Variants in CETP observed in about 807,000 individuals in gnomAD.
CETP encodes the protein BPI fold containing family F.
A neutral mutation model predicts 66.5 loss-of-function variants in CETP; 56 were observed. That is an observed-to-expected ratio of 0.84 (90% CI 0.68 to 1.05). CETP has a LOEUF of 1.05. Ranked by LOEUF, CETP falls within the 50% of genes least tolerant of loss-of-function variation. The pLI is 0.00. For synonymous variants in CETP, 251 were observed against 245.7 expected, an observed-to-expected ratio of 1.02 and a Z score of -0.20; for missense variants, 612 against 609.6, an observed-to-expected ratio of 1.00 and a Z score of -0.04.
rs552995717 is a variant in CETP at position 56,970,745 on chromosome 16, G to A, written c.528-288G>A. Among the ~76,000 whole-genome samples, 3 of 152,338 alleles carry A rather than the reference G, an allele frequency of 2.0e-5. No individual in the cohort carries two copies. In the South Asian group the frequency reaches 6.2e-4, roughly 32 times the overall value. ...ATTCAGGCCATTTTCTGACTCTGGA[G>A]CAGACGGATACATGTATGAATTTGG... On this transcript the variant is annotated intron_variant, in intron 5 of 15. Transcript: ENST00000200676.
intron 12 of CETP, 27 bp from the exon 13 acceptor site, chr16:56,981,620 C>A: frequency 6.2e-7 from 1 of 1,613,596 alleles, no homozygotes; most frequent in South Asian, 1.1e-5. Flanking sequence ...AATGGAGGGT[C>A]AAATTATCAT....
At position 56,963,017 on chromosome 16, in the gene CETP, C is replaced by T. The variant is rs776857859; in HGVS notation, c.126C>T (p.His42=). ...CACTGCCCTCCCCTCTAGTGAACCA[C>T]GAGACTGCCAAGGTGATCCAGACCG... ...ITKPALLVLN[H]ETAKVIQTAF... The change falls in exon 2 of 16, where the codon CAC becomes CAT. Residue 42 remains histidine (H), a synonymous_variant. Transcript: ENST00000200676. 1.2e-5 allele frequency: 19 copies of T among 1,614,094 alleles called. No homozygotes were observed. Among genetic ancestry groups the T allele is most frequent in the Middle Eastern group, 1.7e-4 (1 of 6,060 alleles).
Position 56,961,955 on chromosome 16 carries a change from A to G in CETP, c.-25A>G. ...GGCTCCAGGCTGAACGGCTCGGGCC[A>G]CTTACACACCACTGCCTGATAACCA... is the stretch of plus-strand genomic sequence containing the variant. On this transcript the variant is annotated 5_prime_UTR_variant, in exon 1 of 16. Transcript: ENST00000200676. 6.3e-7 allele frequency: 1 copy of G among 1,592,566 alleles called. No individual in the cohort carries two copies. The highest frequency in any genetic ancestry group is 8.6e-7 in the Non-Finnish European group (1 of 1,160,728).
intron 2 of CETP, among the ~76,000 whole-genome samples, chr16:56,964,813 A>G (rs1192796547): frequency 6.6e-6 from 1 of 152,200 alleles, no homozygotes; most frequent in African/African-American, 2.4e-5. Flanking sequence ...CCTCTGTGTG[A>G]CCTTGGGCTT....
chr16:56,971,344 C>T lies in CETP; in HGVS notation c.621C>T (p.Ile207=). The T allele has an allele frequency of 1.2e-6, 2 of 1,614,130 alleles. No individual in the cohort carries two copies. Among genetic ancestry groups the T allele is most frequent in the Non-Finnish European group, 1.7e-6 (2 of 1,180,050 alleles). The change falls in exon 7 of 16, where the codon ATC becomes ATT. Residue 207 remains isoleucine (I), a synonymous_variant. Transcript: ENST00000200676. Reference sequence around the variant, plus strand: ...AGATCTGCAAAGAGATCAACGTCATCTCTAACATCATGGCCGATTTTGTCC... The same window carrying T: ...AGATCTGCAAAGAGATCAACGTCATTTCTAACATCATGGCCGATTTTGTCC... The part of the protein sequence containing the change: ...KGQICKEINV[I]SNIMADFVQT...
chr16:56,971,598 T>C (rs1157915811), intron 7 of CETP, among the ~76,000 whole-genome samples: 1 of 152,170 alleles, frequency 6.6e-6, no homozygotes, highest in Non-Finnish European at 1.5e-5. Context: ...GGCAAGTCTA[T>C]AGAACTCAGG....
chr16:56,967,647 T>C (rs1255978447), intron 2 of CETP, among the ~76,000 whole-genome samples: 2 of 131,626 alleles, frequency 1.5e-5, no homozygotes, highest in Non-Finnish European at 3.2e-5. Context: ...AGAGCCAGAC[T>C]CAGTCTCAAA....
chr16:56,971,914 C>G, intron 7 of CETP, 78 bp from the exon 8 acceptor site: 14 of 1,235,148 alleles, frequency 1.1e-5, no homozygotes, highest in Non-Finnish European at 1.7e-5. Context: ...GGTTGGGTAG[C>G]TGTGTGGATG....
chr16:56,983,211 T>A (rs1220815228), intron 14 of CETP, 115 bp from the exon 15 acceptor site: 4 of 820,064 alleles, frequency 4.9e-6, no homozygotes, highest in Non-Finnish European at 8.5e-6. Flanking sequence ...AAACGCATGT[T>A]TACAGAATAT....
rs373625355 is a variant in CETP at position 56,979,245 on chromosome 16, G to C, written c.1146+990G>C. ...TCAGAACTTCTGTGAATTTGTAAAA[G>C]TAGTATAGTGTATAGACACTGGATA... On this transcript the variant is annotated intron_variant, in intron 11 of 15. Transcript: ENST00000200676. Among the ~76,000 whole-genome samples the C allele has an allele frequency of 7.8e-4, 119 of 152,324 alleles. 1 individual carries two copies. Among genetic ancestry groups the C allele is most frequent in the African/African-American group, 2.7e-3 (112 of 41,568 alleles).
intron 6 of CETP, 84 bp from the exon 7 acceptor site, chr16:56,971,237 C>A (rs2056107674): frequency 6.5e-7 from 1 of 1,539,644 alleles, no homozygotes; most frequent in Admixed American, 1.7e-5. Context: ...CGGTCCCCAG[C>A]ACTGCCACCA....
chr16:56,963,480 T>C (rs2056040823), intron 2 of CETP, among the ~76,000 whole-genome samples: 1 of 152,192 alleles, frequency 6.6e-6, no homozygotes, highest in Non-Finnish European at 1.5e-5. Flanking sequence ...AATGTTGTTT[T>C]CTTATAGTAC....
chr16:56,967,211 A>G (rs2056073778), intron 2 of CETP, among the ~76,000 whole-genome samples: 1 of 150,606 alleles, frequency 6.6e-6, no homozygotes, highest in East Asian at 2.0e-4. Context: ...GCTGGGCATG[A>G]TGGTGCATGC....
intron 11 of CETP, 139 bp from the exon 12 acceptor site, chr16:56,981,019 C>T (rs2056183191): frequency 1.3e-6 from 1 of 747,754 alleles, no homozygotes; most frequent in African/African-American, 1.7e-5. Flanking sequence ...TTCAGAAGAG[C>T]AGTAGCTAAG....
At chr16:56,962,421 G>A (rs764413485) in intron 1 of CETP, 2 of 605,132 alleles carry the variant, frequency 3.3e-6, no homozygotes, top group Non-Finnish European at 6.3e-6. Flanking sequence ...TGAGTCAGGG[G>A]GTAAAGATTA....
chr16:56,981,661 C>CGA lies in CETP; in HGVS notation c.1229_1230insGA (p.Val411MetfsTer5). On this transcript the variant is annotated frameshift_variant, in exon 13 of 16. Transcript: ENST00000200676. LOFTEE classifies it high-confidence loss of function. Reference sequence around the variant, plus strand: ...TTTTATTTCAGGATTACACCAAAGACTGTTTCCAACTTGACTGAGGTAGGT... The same window carrying CGA: ...TTTTATTTCAGGATTACACCAAAGACGATGTTTCCAACTTGACTGAGGTAGGT... 6.2e-6 allele frequency: 10 copies of CGA among 1,613,966 alleles called. No homozygotes were observed. The highest frequency in any genetic ancestry group is 8.5e-6 in the Non-Finnish European group (10 of 1,179,832).
chr16:56,982,036 G>A (rs2056191962), intron 13 of CETP, 129 bp from the exon 14 acceptor site: 16 of 888,088 alleles, frequency 1.8e-5, no homozygotes, highest in Middle Eastern at 2.3e-4. Context: ...GCAGGAAAAC[G>A]GAGTGGGTTG....
At chr16:56,968,264 C>T (rs1250076589) in intron 2 of CETP, among the ~76,000 whole-genome samples, 1 of 152,082 alleles carries the variant, frequency 6.6e-6, no homozygotes, top group Admixed American at 6.6e-5. Context: ...CAGCTCACTG[C>T]AACTTCCGCC....
intron 2 of CETP, 83 bp from the exon 3 acceptor site, chr16:56,969,303 C>G (rs541478414): frequency 5.4e-5 from 85 of 1,581,574 alleles, no homozygotes; most frequent in Admixed American, 4.2e-4. Flanking sequence ...ATCTTCCACC[C>G]TCGCCTAGAC....
Sources: gnomAD v4.1 joint callset for allele counts (sites outside exome capture counted in the v4.1 genomes callset) on GRCh38, gnomAD v4.1.1 for gene constraint, MANE v1.5 for transcripts, NCBI Gene and HGNC (gene_info 2026-07-23, HGNC 2026-07-21) for gene names.